LRRTM4: variants seen among roughly 807,000 people sequenced by gnomAD.
The protein encoded by LRRTM4 is leucine rich repeat transmembrane neuronal 4.
In LRRTM4, 25 loss-of-function variants were observed where a neutral mutation model predicts 47.6. The observed-to-expected ratio is 0.53, with a 90% confidence interval of 0.38 to 0.73. LRRTM4 has a LOEUF of 0.73. Ranked by LOEUF, LRRTM4 falls within the 30% of genes least tolerant of loss-of-function variation. The pLI, the probability that LRRTM4 is intolerant of heterozygous loss-of-function variation, is 0.00. For synonymous variants in LRRTM4, 311 were observed against 269.5 expected, an observed-to-expected ratio of 1.15 and a Z score of -1.51; for missense variants, 638 against 713.4, an observed-to-expected ratio of 0.89 and a Z score of 1.20.
intron 3 of LRRTM4, among the ~76,000 whole-genome samples, chr2:77,259,568 T>C (rs1369135726): frequency 6.6e-6 from 1 of 151,988 alleles, no homozygotes; most frequent in Non-Finnish European, 1.5e-5. Context: ...ACATAAATAG[T>C]TATGGTAAAA....
intron 3 of LRRTM4, among the ~76,000 whole-genome samples, chr2:77,084,570 T>C (rs60460197): frequency 6.6e-6 from 1 of 152,162 alleles, no homozygotes; most frequent in Non-Finnish European, 1.5e-5. Flanking sequence ...TTAACAATTG[T>C]CTACATCCCC....
chr2:77,405,833 A>G (rs937174557), intron 3 of LRRTM4, among the ~76,000 whole-genome samples: 1 of 151,936 alleles, frequency 6.6e-6, no homozygotes, highest in South Asian at 2.1e-4. Context: ...GTGTCCTTAT[A>G]CTCTTCTCAT....
chr2:77,025,974 C>G (rs7581491), intron 3 of LRRTM4, among the ~76,000 whole-genome samples: 1 of 152,112 alleles, frequency 6.6e-6, no homozygotes, highest in South Asian at 2.1e-4. Context: ...CACGATTGCA[C>G]ATGTTTCCTA....
chr2:76,967,442 C>T (rs932985068), intron 3 of LRRTM4, among the ~76,000 whole-genome samples: 1 of 151,534 alleles, frequency 6.6e-6, no homozygotes, highest in African/African-American at 2.4e-5. Context: ...TCACTTCCAA[C>T]ATAAGGTCAC....
chr2:76,783,157 T>A (rs143375073), intron 3 of LRRTM4, among the ~76,000 whole-genome samples: 3 of 152,222 alleles, frequency 2.0e-5, no homozygotes, highest in East Asian at 3.9e-4. Flanking sequence ...TCCACCAACA[T>A]TGAATGAATA....
chr2:77,132,824 C>A (rs1671838731), intron 3 of LRRTM4, among the ~76,000 whole-genome samples: 1 of 151,994 alleles, frequency 6.6e-6, no homozygotes, highest in Non-Finnish European at 1.5e-5. Flanking sequence ...CAGATCAACA[C>A]AGACTCAGAA....
intron 3 of LRRTM4, among the ~76,000 whole-genome samples, chr2:76,979,066 G>A (rs1170317454): frequency 6.6e-6 from 1 of 151,996 alleles, no homozygotes; most frequent in Non-Finnish European, 1.5e-5. Context: ...GAGAAACCAG[G>A]ATGCTAAGTG....
rs1194469367 is a variant in LRRTM4 at position 77,290,474 on chromosome 2, C to T, written c.1551+227844G>A. 2.0e-5 allele frequency among the ~76,000 whole-genome samples: 3 copies of T among 151,792 alleles called. No individual in the cohort carries two copies. The East Asian group carries it at 5.8e-4, about 29-fold the overall frequency. On this transcript the variant is annotated intron_variant, in intron 3 of 3. Transcript: ENST00000409884. ...ATATTGTTAGACAAAAGGATAAGAC[C>T]TAATGTTTGGTAGCATAATAGGTCA...
chr2:76,974,089 C>T (rs1050387426), intron 3 of LRRTM4, among the ~76,000 whole-genome samples: 4 of 150,228 alleles, frequency 2.7e-5, no homozygotes, highest in African/African-American at 9.8e-5. Context: ...TAAAAAAATG[C>T]AGTTTCTAAA....
At chr2:76,812,145 C>T (rs1289666533) in intron 3 of LRRTM4, among the ~76,000 whole-genome samples, 2 of 152,062 alleles carry the variant, frequency 1.3e-5, no homozygotes, top group Non-Finnish European at 2.9e-5. Flanking sequence ...GAATAATAAA[C>T]ACAGCTAGTG....
At chr2:77,158,215 G>A (rs1328591393) in intron 3 of LRRTM4, among the ~76,000 whole-genome samples, 1 of 152,100 alleles carries the variant, frequency 6.6e-6, no homozygotes, top group Non-Finnish European at 1.5e-5. Flanking sequence ...TCACTAAGTT[G>A]TATGTCTGTT....
At chr2:77,075,232 A>G (rs1476492717) in intron 3 of LRRTM4, among the ~76,000 whole-genome samples, 1 of 152,216 alleles carries the variant, frequency 6.6e-6, no homozygotes, top group African/African-American at 2.4e-5. Flanking sequence ...TTGATTTTGG[A>G]AGGAACAGTT....
chr2:77,162,879 C>T (rs913917833), intron 3 of LRRTM4, among the ~76,000 whole-genome samples: 1 of 152,170 alleles, frequency 6.6e-6, no homozygotes, highest in Non-Finnish European at 1.5e-5. Context: ...GAAACCAGAG[C>T]AGAAAAGCTG....
chr2:77,236,627 T>G (rs1337868116), intron 3 of LRRTM4, among the ~76,000 whole-genome samples: 2 of 152,130 alleles, frequency 1.3e-5, no homozygotes, highest in East Asian at 3.9e-4. Context: ...GCTTCCATGT[T>G]TTGATCATTC....
At chr2:77,183,517 G>A (rs1673409575) in intron 3 of LRRTM4, among the ~76,000 whole-genome samples, 1 of 152,210 alleles carries the variant, frequency 6.6e-6, no homozygotes, top group Non-Finnish European at 1.5e-5. Context: ...GTGGAAGTCA[G>A]TGTGGCAATT....
intron 3 of LRRTM4, among the ~76,000 whole-genome samples, chr2:76,882,718 A>G (rs77635576): frequency 0.017 from 2,524 of 152,118 alleles, 57 homozygotes; most frequent in East Asian, 0.078. Context: ...CCAGTTGCTA[A>G]AAATGGAGGG....
chr2:76,958,367 G>A (rs1228169078), intron 3 of LRRTM4, among the ~76,000 whole-genome samples: 1 of 151,736 alleles, frequency 6.6e-6, no homozygotes, highest in Non-Finnish European at 1.5e-5. Flanking sequence ...CCAACTCGAA[G>A]ATAGATAACT....
intron 3 of LRRTM4, among the ~76,000 whole-genome samples, chr2:77,355,526 A>G (rs1031304823): frequency 6.6e-6 from 1 of 152,204 alleles, no homozygotes; most frequent in Non-Finnish European, 1.5e-5. Context: ...CAATAATGCT[A>G]TCACTGGAGA....
intron 3 of LRRTM4, among the ~76,000 whole-genome samples, chr2:77,101,541 C>T (rs1422906530): frequency 6.6e-6 from 1 of 152,168 alleles, no homozygotes; most frequent in Non-Finnish European, 1.5e-5. Context: ...ACCTGAACAT[C>T]ATAGTTAGCC....
Sources: allele counts gnomAD v4.1 joint callset (sites outside exome capture counted in the v4.1 genomes callset), GRCh38; gene constraint gnomAD v4.1.1; transcripts MANE v1.5; gene names NCBI Gene and HGNC (gene_info 2026-07-23, HGNC 2026-07-21).